The following RGMA variants were observed in gnomAD, a reference collection of about 807,000 sequenced individuals.
RGMA encodes the protein repulsive guidance molecule A.
Under a neutral mutation model 23.2 loss-of-function variants are expected in RGMA, and 10 were observed. The observed-to-expected ratio is 0.43, with a 90% confidence interval of 0.27 to 0.73. RGMA has a LOEUF of 0.73. Ranked by LOEUF, RGMA falls within the 30% of genes least tolerant of loss-of-function variation. RGMA has a pLI of 0.20. For missense variants in RGMA, 547 were observed against 630.5 expected (o/e 0.87, Z 1.42); for synonymous variants, 308 against 279.3 (o/e 1.10, Z -1.03).
intron 2 of RGMA, chr15:93,066,412 G>T: frequency 3.0e-6 from 2 of 671,698 alleles, no homozygotes; most frequent in Non-Finnish European, 2.8e-6. Flanking sequence ...GGGGGCGGGG[G>T]TTTCCAAGGC....
chr15:93,054,229 C>A (rs866056596), intron 2 of RGMA, among the ~76,000 whole-genome samples: 715 of 110,514 alleles, frequency 6.5e-3, no homozygotes, highest in East Asian at 0.013. Context: ...GACTCCATCT[C>A]AAAAAAAAAA....
At position 93,040,221 on chromosome 15, in the gene RGMA, A is replaced by G. The variant is rs1480465783; in HGVS notation, c.*4777T>C. 1 of 152,216 alleles carries G rather than the reference A, an allele frequency of 6.6e-6. No homozygotes were observed. Among genetic ancestry groups the G allele is most frequent in the African/African-American group, 2.4e-5 (1 of 41,422 alleles). 9.4% of individuals were successfully genotyped at this position (152,216 alleles called of 1,614,324 possible). The stretch of plus-strand genomic sequence containing the variant: ...GAGACCCTGTCTCTAAAAAAGAACA[A>G]TAAAAAGACCCAAGTCGGACACATC... On this transcript the variant is annotated 3_prime_UTR_variant, in exon 4 of 4. Transcript: ENST00000329082.
rs938403323 is a variant in RGMA, at chr15:93,069,241, C to T, written c.130+3675G>A. On this transcript the variant is annotated intron_variant, in intron 2 of 3. Coordinates refer to ENST00000329082, the MANE Select transcript of RGMA (RefSeq NM_020211.3). ...TCTCCTGCCTCAGCCTCCCGAGTAG[C>T]TGGGATTATAGGCTCATGCCACCAC... Among the ~76,000 whole-genome samples, 3 of 152,312 alleles carry T rather than the reference C, an allele frequency of 2.0e-5. No homozygotes were observed. In the East Asian group the frequency reaches 5.8e-4, roughly 29 times the overall value.
rs573926798 is a variant in RGMA, at chr15:93,048,578, G to A, written c.646-2873C>T. Reference sequence around the variant, plus strand: ...GGTCCCAGCCTGGCCGCAGGACACGGCACACTTCCCATTTGCCGTGGGATG... The same window carrying A: ...GGTCCCAGCCTGGCCGCAGGACACGACACACTTCCCATTTGCCGTGGGATG... On this transcript the variant is annotated intron_variant, in intron 3 of 3. Transcript: ENST00000329082. Among the ~76,000 whole-genome samples the A allele has an allele frequency of 3.9e-5, 6 of 152,236 alleles. No individual in the cohort carries two copies. In the South Asian group the frequency reaches 1.2e-3, roughly 32 times the overall value.
intron 3 of RGMA, 168 bp downstream of exon 3, chr15:93,051,825 A>C: frequency 1.5e-6 from 1 of 683,074 alleles, no homozygotes; most frequent in Non-Finnish European, 2.4e-6. Flanking sequence ...GGAGGGAGGA[A>C]GCTGAGACCC....
At chr15:93,088,631 C>T (rs1002415576) in intron 1 of RGMA, 5 of 1,010,638 alleles carry the variant, frequency 4.9e-6, no homozygotes, top group Admixed American at 4.9e-5. Context: ...GCTCCCAGCC[C>T]GCACACGGTG....
intron 1 of RGMA, among the ~76,000 whole-genome samples, chr15:93,074,382 T>C (rs1368763264): frequency 2.0e-5 from 3 of 151,918 alleles, no homozygotes; most frequent in Non-Finnish European, 4.4e-5. Context: ...AGGAGCAAGT[T>C]TGAAGGGAGG....
At position 93,045,627 on chromosome 15, in the gene RGMA, C is replaced by T. The variant is rs760772757; in HGVS notation, c.724G>A (p.Ala242Thr). Residue 242 changes from alanine to threonine, a missense_variant, in exon 4 of 4, where the codon GCC (alanine) becomes ACC (threonine). This residue lies in a region of RGMA where 128 missense variants were observed against 191.7 expected (regional missense o/e 0.67). Coordinates refer to ENST00000329082, the MANE Select transcript of RGMA (RefSeq NM_020211.3). This position sits in a 1 kb window ranked among gnomAD's most constrained non-coding sequence, Gnocchi z 6.9. ...YQAEMDELPA[A>T]FVDGSKNGGD... ...CCGTTCTTAGAGCCATCCACGAAGG[C>T]GGCCGGGAGCTCGTCCATCTCAGCC... 7.4e-6 allele frequency: 12 copies of T among 1,612,400 alleles called. No homozygotes were observed. Among genetic ancestry groups the T allele is most frequent in the South Asian group, 2.2e-5 (2 of 91,088 alleles).
rs1895429730 is a variant in RGMA, at chr15:93,074,148, T to C, written c.15-1117A>G. Reference sequence around the variant, plus strand: ...TGAAACACAAATAGTCCTGAGCAAGTGTTCTTAGTCAAACCAACTCCTCCC... The same window carrying C: ...TGAAACACAAATAGTCCTGAGCAAGCGTTCTTAGTCAAACCAACTCCTCCC... On this transcript the variant is annotated intron_variant, in intron 1 of 3. Transcript: ENST00000329082. 7.0e-6 allele frequency: 4 copies of C among 571,302 alleles called. No individual in the cohort carries two copies. In the South Asian group the frequency reaches 1.5e-4, roughly 22 times the overall value. 35.4% of individuals were successfully genotyped at this position (571,302 alleles called of 1,614,324 possible). A position where few individuals can be genotyped will look rare whatever the true frequency, so the allele number is the denominator to read the frequency against.
rs2054930676 is a variant in RGMA, at chr15:93,052,063, T to C, written c.575A>G (p.Asn192Ser). 6.2e-7 allele frequency: 1 copy of C among 1,612,726 alleles called. No homozygotes were observed. Among genetic ancestry groups the C allele is most frequent in the Non-Finnish European group, 8.5e-7 (1 of 1,179,436 alleles). The change falls in exon 3 of 4, where the codon AAT becomes AGT. Residue 192 changes from asparagine to serine, a missense_variant. Physicochemically the swap from Asn to Ser is conservative, Grantham distance 46 (BLOSUM62 1). This residue lies in a region of RGMA where 128 missense variants were observed against 191.7 expected (regional missense o/e 0.67). Transcript: ENST00000329082. ...KVQGAWPLID[N>S]NYLNVQVTNT... ...GGTGACCTGCACGTTCAGGTAATTATTGTCGATGAGCGGCCAGGCGCCCTG... is the reference window on the plus strand; with the variant it reads ...GGTGACCTGCACGTTCAGGTAATTACTGTCGATGAGCGGCCAGGCGCCCTG...
At chr15:93,055,329 C>T (rs2054996081) in intron 2 of RGMA, among the ~76,000 whole-genome samples, 1 of 152,180 alleles carries the variant, frequency 6.6e-6, no homozygotes, top group African/African-American at 2.4e-5. Flanking sequence ...TCCACCACGA[C>T]CAAATCTGGT....
At position 93,044,784 on chromosome 15, in the gene RGMA, C is replaced by T. The variant is rs115868524; in HGVS notation, c.*214G>A. The T allele has an allele frequency of 9.8e-4, 581 of 594,946 alleles. 3 individuals carry two copies. The highest frequency in any genetic ancestry group is 9.6e-3 in the African/African-American group (517 of 53,798). 36.9% of individuals were successfully genotyped at this position (594,946 alleles called of 1,614,324 possible). On this transcript the variant is annotated 3_prime_UTR_variant, in exon 4 of 4. Coordinates refer to ENST00000329082, the MANE Select transcript of RGMA (RefSeq NM_020211.3). The stretch of plus-strand genomic sequence containing the variant: ...GAGCTGCTCTCCCTCTCACACAGCT[C>T]TACTGTCAAACATCATGGCACCAGT...
rs567409350 is a variant in RGMA, at chr15:93,054,929, G to A, written c.131-2422C>T. ...GAAATGTTGGTGTGGTAGCTTCCCT[G>A]CCGCCCCCTGATAAAGCCGGTACAG... On this transcript the variant is annotated intron_variant, in intron 2 of 3. Transcript: ENST00000329082. Among the ~76,000 whole-genome samples, 700 of 151,354 alleles carry A rather than the reference G, an allele frequency of 4.6e-3. 2 individuals are homozygous for A. Among genetic ancestry groups the A allele is most frequent in the Middle Eastern group, 6.9e-3 (2 of 288 alleles).
intron 2 of RGMA, among the ~76,000 whole-genome samples, chr15:93,054,245 A>AG (rs2054976161): frequency 1.3e-5 from 2 of 151,788 alleles, no homozygotes; most frequent in Admixed American, 1.3e-4. Flanking sequence ...AAAAAAAAAA[A>AG]AAATTGATGG....
chr15:93,061,425 C>T (rs1750536947), intron 2 of RGMA, among the ~76,000 whole-genome samples: 1 of 152,212 alleles, frequency 6.6e-6, no homozygotes, highest in Admixed American at 6.5e-5. Context: ...GCTGGGATTA[C>T]CGGCATGAGC....
chr15:93,081,702 T>G (rs1895561619), intron 1 of RGMA, among the ~76,000 whole-genome samples: 1 of 152,224 alleles, frequency 6.6e-6, no homozygotes, highest in Non-Finnish European at 1.5e-5. Context: ...TAATGAATAA[T>G]TTAGTGCCAA....
chr15:93,066,807 C>A (rs1355144352), intron 2 of RGMA, among the ~76,000 whole-genome samples: 1 of 152,168 alleles, frequency 6.6e-6, no homozygotes, highest in Non-Finnish European at 1.5e-5. Context: ...GCCACCGAGC[C>A]TGGCACCACA....
chr15:93,076,763 C>T (rs1254007343), intron 1 of RGMA, among the ~76,000 whole-genome samples: 1 of 152,184 alleles, frequency 6.6e-6, no homozygotes, highest in Non-Finnish European at 1.5e-5. Context: ...TAAGTACGCA[C>T]CCAATAAATG....
intron 2 of RGMA, among the ~76,000 whole-genome samples, chr15:93,057,618 G>C (rs530673928): frequency 6.6e-6 from 1 of 152,248 alleles, no homozygotes; most frequent in Non-Finnish European, 1.5e-5. Context: ...CCAAGCTAAA[G>C]AGACAGTCAT....
Sources: allele counts gnomAD v4.1 joint callset (sites outside exome capture counted in the v4.1 genomes callset), GRCh38; gene constraint gnomAD v4.1.1; regional missense constraint gnomAD v4.1.1; non-coding constraint Gnocchi (gnomAD v3.1); transcripts MANE v1.5; gene names NCBI Gene and HGNC (gene_info 2026-07-23, HGNC 2026-07-21).